PLEK2: variants seen among roughly 807,000 people sequenced by gnomAD.
PLEK2 encodes the protein pleckstrin-2.
PLEK2 carries 29 observed loss-of-function variants against 43.8 expected under a neutral mutation model. The ratio of observed to expected loss-of-function variants is 0.66; its 90% CI spans 0.49 to 0.90. The LOEUF is 0.90. Ranked by LOEUF, PLEK2 falls within the 40% of genes least tolerant of loss-of-function variation. PLEK2 has a pLI of 0.00. For missense variants in PLEK2, 398 were observed against 448.1 expected, an observed-to-expected ratio of 0.89 and a Z score of 1.01; for synonymous variants, 162 against 173.2, an observed-to-expected ratio of 0.94 and a Z score of 0.51.
chr14:67,407,758 G>A (rs2086088867), intron 1 of PLEK2, among the ~76,000 whole-genome samples: 1 of 152,112 alleles, frequency 6.6e-6, no homozygotes, highest in African/African-American at 2.4e-5. Flanking sequence ...TAACTTTAAA[G>A]ATAAGGAAAC....
intron 7 of PLEK2, among the ~76,000 whole-genome samples, chr14:67,389,418 T>G (rs1240949442): frequency 6.6e-6 from 1 of 152,012 alleles, no homozygotes; most frequent in Non-Finnish European, 1.5e-5. Flanking sequence ...GGGAGTAAAG[T>G]GCGGAACAAA....
chr14:67,404,249 G>A (rs1019637400), intron 1 of PLEK2, among the ~76,000 whole-genome samples: 1 of 152,156 alleles, frequency 6.6e-6, no homozygotes, highest in African/African-American at 2.4e-5. Flanking sequence ...TTCAAGGTCA[G>A]ACTCCACAGT....
chr14:67,397,846 C>A lies in PLEK2; in HGVS notation c.43-20G>T. 1.9e-6 allele frequency: 3 copies of A among 1,592,880 alleles called. No individual in the cohort carries two copies. Among genetic ancestry groups the A allele is most frequent in the Admixed American group, 1.7e-5 (1 of 58,516 alleles). On this transcript the variant is annotated intron_variant, in intron 1 of 8. Coordinates refer to ENST00000216446, the MANE Select transcript of PLEK2 (RefSeq NM_016445.3). Reference sequence around the variant, plus strand: ...GTGGCCCTATGGACAGACAAGAAAGCCCTGAGGTGAGGCGGTCAGTGGGAG... The same window carrying A: ...GTGGCCCTATGGACAGACAAGAAAGACCTGAGGTGAGGCGGTCAGTGGGAG...
intron 2 of PLEK2, 106 bp downstream of exon 2, chr14:67,397,556 T>C (rs1015249701): frequency 1.0e-5 from 10 of 953,062 alleles, no homozygotes; most frequent in African/African-American, 6.6e-5. Context: ...AGTTTTTCAA[T>C]TCTAACTCTG....
chr14:67,395,578 G>A lies in PLEK2; in HGVS notation c.213C>T (p.Leu71=), dbSNP rs754929194. The A allele has an allele frequency of 6.2e-7, 1 of 1,613,964 alleles. No individual in the cohort carries two copies. Among genetic ancestry groups the A allele is most frequent in the Non-Finnish European group, 8.5e-7 (1 of 1,179,956 alleles). The change falls in exon 3 of 9, where the codon CTC becomes CTT. Residue 71 remains leucine, a synonymous_variant. Transcript: ENST00000216446. ...TGGATGTTTGAGTCTTCAGCTTAAT[G>A]AGGAGCTGTGGGAAGAGAGAGCCAG... ...PCLEYENRPL[L]IKLKTQTSTE...
In PLEK2 at chr14:67,392,815, G is replaced by A; in HGVS notation, c.516C>T (p.Ser172=). 1 of 1,613,642 alleles carries A rather than the reference G, an allele frequency of 6.2e-7. No homozygotes were observed. Among genetic ancestry groups the A allele is most frequent in the Non-Finnish European group, 8.5e-7 (1 of 1,179,716 alleles). ...SSLVDWLISN[S]FTASRLEAVT... ...CCGCCTCCAGACGGCTGGCCGTGAA[G>A]CTGTTGGAGATGAGCCAGTCCACCA... is the stretch of plus-strand genomic sequence containing the variant. Residue 172 remains serine (S), a synonymous_variant, in exon 5 of 9, where the codon AGC becomes AGT. Transcript: ENST00000216446.
intron 1 of PLEK2, among the ~76,000 whole-genome samples, chr14:67,409,795 TAA>T (rs998676083): frequency 7.2e-5 from 11 of 152,310 alleles, no homozygotes; most frequent in Non-Finnish European, 1.2e-4. Context: ...TTAACTCTCC[TAA>T]GACTATGGAA....
At position 67,388,256 on chromosome 14, in the gene PLEK2, A is replaced by G. The variant is rs1157627037; in HGVS notation, c.902T>C (p.Val301Ala). The G allele has an allele frequency of 2.0e-5, 32 of 1,613,526 alleles. No homozygotes were observed. Among genetic ancestry groups the G allele is most frequent in the Non-Finnish European group, 2.5e-5 (30 of 1,179,574 alleles). Reference sequence around the variant, plus strand: ...AACGCCATTATCTTCCAGAGCAGACACGAGTGAACCACGAAGAGAAAACCC... The same window carrying G: ...AACGCCATTATCTTCCAGAGCAGACGCGAGTGAACCACGAAGAGAAAACCC... ...VGGFSLRGSL[V>A]SALEDNGVPT... The change falls in exon 8 of 9, where the codon GTG (valine) becomes GCG (alanine). Residue 301 changes from valine to alanine, a missense_variant. By Grantham distance (64) the Val-to-Ala change is moderately conservative (BLOSUM62 0). Transcript: ENST00000216446.
intron 6 of PLEK2, 112 bp downstream of exon 6, chr14:67,392,214 C>A: frequency 1.3e-6 from 1 of 753,134 alleles, no homozygotes; most frequent in South Asian, 1.5e-5. Context: ...GTAGATTTTG[C>A]TGTAATTGGT....
At chr14:67,405,028 G>T (rs2086069931) in intron 1 of PLEK2, among the ~76,000 whole-genome samples, 1 of 151,472 alleles carries the variant, frequency 6.6e-6, no homozygotes, top group Admixed American at 6.6e-5. Flanking sequence ...GAGGTCAGAA[G>T]TTCAAGACCA....
At chr14:67,388,805 G>A (rs537303024) in intron 7 of PLEK2, among the ~76,000 whole-genome samples, 2 of 151,916 alleles carry the variant, frequency 1.3e-5, no homozygotes, top group East Asian at 3.9e-4. Context: ...TCAGTCTCCC[G>A]AGGAACTGGG....
chr14:67,412,029 G>A lies in PLEK2; in HGVS notation c.31C>T (p.Leu11=), dbSNP rs746249683. MEDGVLKEGF[L]VKRGHIVHNW... ...CGACGCGCACTCACCCTCTTGACCA[G>A]GAAGCCCTCCTTGAGCACGCCGTCC... Residue 11 remains leucine (L), a synonymous_variant, in exon 1 of 9, where the codon CTG becomes TTG. Coordinates refer to ENST00000216446, the MANE Select transcript of PLEK2 (RefSeq NM_016445.3). 6.4e-7 allele frequency: 1 copy of A among 1,558,764 alleles called. No individual in the cohort carries two copies. The highest frequency in any genetic ancestry group is 8.7e-7 in the Non-Finnish European group (1 of 1,155,056).
chr14:67,390,686 G>C lies in PLEK2; in HGVS notation c.832C>G (p.Leu278Val). 1 of 1,613,516 alleles carries C rather than the reference G, an allele frequency of 6.2e-7. No individual in the cohort carries two copies. Among genetic ancestry groups the C allele is most frequent in the Non-Finnish European group, 8.5e-7 (1 of 1,179,438 alleles). Reference sequence around the variant, plus strand: ...ACTTTGGAAGGGTCATAGTAATGCAGGAAAGCTGGATCCTTCCTTAGAACA... The same window carrying C: ...ACTTTGGAAGGGTCATAGTAATGCACGAAAGCTGGATCCTTCCTTAGAACA... Reference protein sequence around the residue: ...RFVLRKDPAFLHYYDPSKEEN... With the variant: ...RFVLRKDPAFVHYYDPSKEEN... The change falls in exon 7 of 9, where the codon CTG (leucine) becomes GTG (valine). Residue 278 changes from leucine (L) to valine (V), a missense_variant. Coordinates refer to ENST00000216446, the MANE Select transcript of PLEK2 (RefSeq NM_016445.3).
intron 1 of PLEK2, among the ~76,000 whole-genome samples, chr14:67,405,972 G>A (rs1198434287): frequency 1.3e-5 from 2 of 152,122 alleles, no homozygotes; most frequent in African/African-American, 4.8e-5. Flanking sequence ...GTTTTAAGAT[G>A]CTTGGCCAGG....
intron 6 of PLEK2, 88 bp from the exon 7 acceptor site, chr14:67,390,834 C>T: frequency 1.1e-6 from 1 of 895,858 alleles, no homozygotes. Flanking sequence ...AAACCCCCAA[C>T]AAGCCAGCCC....
Position 67,400,459 on chromosome 14 carries a change from G to T in PLEK2, c.43-2633C>A, listed in dbSNP as rs2086040444. Among the ~76,000 whole-genome samples, 4 of 152,138 alleles carry T rather than the reference G, an allele frequency of 2.6e-5. No homozygotes were observed. The South Asian group carries it at 8.3e-4, about 31-fold the overall frequency. ...TGTCTTTGACTTCTCAGCTATTGGG[G>T]TTCTCTACTGCTCTGCACATAGCCC... On this transcript the variant is annotated intron_variant, in intron 1 of 8. Coordinates refer to ENST00000216446, the MANE Select transcript of PLEK2 (RefSeq NM_016445.3).
chr14:67,387,224 A>C lies in PLEK2; in HGVS notation c.*105T>G, dbSNP rs1400145988. The C allele has an allele frequency of 2.0e-5, 23 of 1,125,572 alleles. No individual in the cohort carries two copies. In the East Asian group the frequency reaches 6.0e-4, roughly 30 times the overall value. The allele number at this position is 1,125,572 out of a possible 1,614,324, so 69.7% of individuals were successfully genotyped here. On this transcript the variant is annotated 3_prime_UTR_variant, in exon 9 of 9. Transcript: ENST00000216446. Reference sequence around the variant, plus strand: ...GGCAGCATTCACTCTCCAAAGCAGTACAAAACTTACAAAGAAGTCAAAAGT... The same window carrying C: ...GGCAGCATTCACTCTCCAAAGCAGTCCAAAACTTACAAAGAAGTCAAAAGT...
intron 6 of PLEK2, 122 bp downstream of exon 6, chr14:67,392,204 G>C: frequency 1.4e-6 from 1 of 712,686 alleles, no homozygotes; most frequent in Non-Finnish European, 2.5e-6. Flanking sequence ...TCTTGCTTTC[G>C]TAGATTTTGC....
At chr14:67,399,910 T>G (rs537333909) in intron 1 of PLEK2, among the ~76,000 whole-genome samples, 1 of 152,304 alleles carries the variant, frequency 6.6e-6, no homozygotes, top group East Asian at 1.9e-4. Flanking sequence ...AAAAGCACCT[T>G]CCTGGGATAT....
Sources: allele counts gnomAD v4.1 joint callset (sites outside exome capture counted in the v4.1 genomes callset), GRCh38; gene constraint gnomAD v4.1.1; transcripts MANE v1.5; gene names NCBI Gene and HGNC (gene_info 2026-07-23, HGNC 2026-07-21).